PIP5K1C: variants seen among roughly 807,000 people sequenced by gnomAD.
PIP5K1C encodes phosphatidylinositol 4-phosphate 5-kinase type-1 gamma.
A neutral mutation model predicts 80.1 loss-of-function variants in PIP5K1C; 45 were observed. The observed-to-expected ratio is 0.56, with a 90% CI of 0.44 to 0.72. PIP5K1C has a LOEUF of 0.72. Among genes scored for constraint, PIP5K1C ranks in the 30% least tolerant of loss-of-function variants. The pLI is 0.00. For missense variants in PIP5K1C, 753 were observed against 954.6 expected, an observed-to-expected ratio of 0.79 and a Z score of 2.78; for synonymous variants, 498 against 420.1, an observed-to-expected ratio of 1.19 and a Z score of -2.27.
rs1304155463 is a variant in PIP5K1C, at chr19:3,697,015, C to G, written c.94+3282G>C. On this transcript the variant is annotated intron_variant, in intron 1 of 17. Coordinates refer to ENST00000335312, the MANE Select transcript of PIP5K1C (RefSeq NM_012398.3). Reference sequence around the variant, plus strand: ...TGGACGGAGGAGGATCGAGCTGGACCGAGGAGGACCGAGCTGGACAAAGGA... The same window carrying G: ...TGGACGGAGGAGGATCGAGCTGGACGGAGGAGGACCGAGCTGGACAAAGGA... Among the ~76,000 whole-genome samples, 5 of 150,946 alleles carry G rather than the reference C, an allele frequency of 3.3e-5. No individual in the cohort carries two copies. In the East Asian group the frequency reaches 9.8e-4, roughly 30 times the overall value.
At chr19:3,641,873 G>A in intron 14 of PIP5K1C, 64 bp from the exon 15 acceptor site, 1 of 1,346,616 alleles carries the variant, frequency 7.4e-7, no homozygotes, top group Non-Finnish European at 1.0e-6. Context: ...ACCCCCAGGA[G>A]TGCCCAGTGA....
chr19:3,640,601 AT>A (rs2033920078), intron 15 of PIP5K1C, among the ~76,000 whole-genome samples: 1 of 152,010 alleles, frequency 6.6e-6, no homozygotes, highest in South Asian at 2.1e-4. Flanking sequence ...AAAAACAGAT[AT>A]TTCTTTTAAG....
intron 2 of PIP5K1C, among the ~76,000 whole-genome samples, chr19:3,666,614 C>G (rs186615394): frequency 6.6e-6 from 1 of 151,862 alleles, no homozygotes; most frequent in Non-Finnish European, 1.5e-5. Flanking sequence ...CACACACGCA[C>G]GTAGGCAAAT....
At chr19:3,662,866 C>T (rs1044651445) in intron 3 of PIP5K1C, among the ~76,000 whole-genome samples, 7 of 147,472 alleles carry the variant, frequency 4.7e-5, no homozygotes, top group African/African-American at 1.8e-4. Flanking sequence ...ACGCCGGCCC[C>T]GTTATTATTT....
chr19:3,673,693 T>G (rs974431569), intron 1 of PIP5K1C: 3 of 152,220 alleles, frequency 2.0e-5, no homozygotes, highest in Admixed American at 6.5e-5. Context: ...CACGGTCACC[T>G]CCCTCATTCG....
At chr19:3,640,093 A>C (rs2033899201) in intron 15 of PIP5K1C, among the ~76,000 whole-genome samples, 1 of 152,252 alleles carries the variant, frequency 6.6e-6, no homozygotes, top group South Asian at 2.1e-4. Context: ...CGCTGCTGTG[A>C]GCGCTAAAAA....
chr19:3,694,479 TTCCAGGCCCCTCGTCTGCC>T (rs1371118376), intron 1 of PIP5K1C, among the ~76,000 whole-genome samples: 1 of 152,122 alleles, frequency 6.6e-6, no homozygotes, highest in Non-Finnish European at 1.5e-5. Context: ...GCCAAAATCC[TTCCAGGCCCCTCGTCTGCC>T]TCCAGGCACC....
rs1034958154 is a variant in PIP5K1C, at chr19:3,643,978, G to A, written c.1510+109C>T. ...GGGCAGGCGGCCCTGCAGATCCGGA[G>A]GGGGTGGCTGAGCGATGGGCACTCA... is the stretch of plus-strand genomic sequence containing the variant. On this transcript the variant is annotated intron_variant, in intron 12 of 17. Coordinates refer to ENST00000335312, the MANE Select transcript of PIP5K1C (RefSeq NM_012398.3). 2.3e-5 allele frequency: 30 copies of A among 1,330,856 alleles called. 1 individual carries two copies. The East Asian group carries it at 3.2e-4, about 14-fold the overall frequency. The allele number at this position is 1,330,856 out of a possible 1,614,324, so 82.4% of individuals were successfully genotyped here.
chr19:3,689,113 G>C (rs1477102158), intron 1 of PIP5K1C, among the ~76,000 whole-genome samples: 1 of 152,122 alleles, frequency 6.6e-6, no homozygotes, highest in Non-Finnish European at 1.5e-5. Flanking sequence ...CAAACTCCTG[G>C]GCTCAGTAAT....
chr19:3,662,973 C>T (rs369859385), intron 3 of PIP5K1C, among the ~76,000 whole-genome samples: 8 of 152,246 alleles, frequency 5.3e-5, no homozygotes, highest in African/African-American at 1.7e-4. Flanking sequence ...GCTATTCTCC[C>T]GCCTCAGCCT....
chr19:3,673,544 GCCGCTGC>G (rs1382446297), intron 1 of PIP5K1C, among the ~76,000 whole-genome samples: 1 of 152,182 alleles, frequency 6.6e-6, no homozygotes, highest in Non-Finnish European at 1.5e-5. Flanking sequence ...CCTGGGTGGG[GCCGCTGC>G]CCAGAGGGCA....
Position 3,682,550 on chromosome 19 carries a change from G to A in PIP5K1C, c.95-15197C>T, listed in dbSNP as rs138508994. Among the ~76,000 whole-genome samples the A allele has an allele frequency of 1.3e-3, 190 of 151,926 alleles. 1 individual carries two copies. Among genetic ancestry groups the A allele is most frequent in the African/African-American group, 4.4e-3 (181 of 41,396 alleles). Reference sequence around the variant, plus strand: ...TCAAAAAACAAAAAAATTATCTGGCGTGGTGACGTGTGCCTGTAGTCCCGG... The same window carrying A: ...TCAAAAAACAAAAAAATTATCTGGCATGGTGACGTGTGCCTGTAGTCCCGG... On this transcript the variant is annotated intron_variant, in intron 1 of 17. Coordinates refer to ENST00000335312, the MANE Select transcript of PIP5K1C (RefSeq NM_012398.3).
At chr19:3,687,742 G>A (rs893621782) in intron 1 of PIP5K1C, among the ~76,000 whole-genome samples, 9 of 152,178 alleles carry the variant, frequency 5.9e-5, no homozygotes, top group Non-Finnish European at 1.0e-4. Flanking sequence ...GGGTCCACCC[G>A]AGTAGTAGGC....
At chr19:3,649,872 C>T (rs1049405620) in intron 8 of PIP5K1C, 22 of 276,340 alleles carry the variant, frequency 8.0e-5, no homozygotes, top group African/African-American at 4.6e-4. Flanking sequence ...CGTGCCCACA[C>T]GTCCCCTGCC....
chr19:3,651,824 A>G lies in PIP5K1C; in HGVS notation c.1127+2T>C. On this transcript the variant is annotated splice_donor_variant, in intron 8 of 17. Transcript: ENST00000335312. LOFTEE classifies it high-confidence loss of function. ...GGGTCCGGCGGCCCCCCGCCCACCT[A>G]CGTGTCATCCGATTCGATGGCCTCC... 6.2e-7 allele frequency: 1 copy of G among 1,610,888 alleles called. No homozygotes were observed. The highest frequency in any genetic ancestry group is 8.5e-7 in the Non-Finnish European group (1 of 1,179,458).
chr19:3,661,764 G>A (rs1287608363), intron 4 of PIP5K1C, 107 bp downstream of exon 4: 2 of 1,383,584 alleles, frequency 1.4e-6, no homozygotes, highest in East Asian at 2.3e-5. Context: ...GGCGCCAGGA[G>A]GGGCCAGGTG....
intron 1 of PIP5K1C, among the ~76,000 whole-genome samples, chr19:3,675,438 C>G (rs1480122217): frequency 6.6e-6 from 1 of 152,178 alleles, no homozygotes; most frequent in Non-Finnish European, 1.5e-5. Context: ...CTGCTGCAGG[C>G]TGGAGCTTCT....
At position 3,648,426 on chromosome 19, in the gene PIP5K1C, C is replaced by T. The variant is rs1433788595; in HGVS notation, c.1211+199G>A. ...GAGGAAGCCCCGAGAGCTGCTGGTG[C>T]GGCTGTTTCCACGGGCAAGCGCCTC... On this transcript the variant is annotated intron_variant, in intron 9 of 17. Coordinates refer to ENST00000335312, the MANE Select transcript of PIP5K1C (RefSeq NM_012398.3). The surrounding 1 kb of genome is among the most constrained non-coding windows in gnomAD (Gnocchi z 4.3). 2.6e-5 allele frequency among the ~76,000 whole-genome samples: 4 copies of T among 152,306 alleles called. No individual in the cohort carries two copies. The highest frequency in any genetic ancestry group is 1.9e-4 in the East Asian group (1 of 5,180).
chr19:3,646,104 A>G (rs781665821), intron 10 of PIP5K1C, 46 bp from the exon 11 acceptor site: 3 of 1,203,744 alleles, frequency 2.5e-6, no homozygotes, highest in South Asian at 2.4e-5. Context: ...GGGTGCATCA[A>G]TCAACAGCTG....
Sources: allele counts gnomAD v4.1 joint callset (sites outside exome capture counted in the v4.1 genomes callset), GRCh38; gene constraint gnomAD v4.1.1; non-coding constraint Gnocchi (gnomAD v3.1); transcripts MANE v1.5; gene names NCBI Gene and HGNC (gene_info 2026-07-23, HGNC 2026-07-21).